The following PCCA variants were observed in gnomAD, a reference collection of about 807,000 sequenced individuals.
PCCA encodes the protein propionyl-CoA carboxylase alpha chain, mitochondrial.
Under a neutral mutation model 101.3 loss-of-function variants are expected in PCCA, and 74 were observed. The ratio of observed to expected loss-of-function variants is 0.73; its 90% CI spans 0.61 to 0.89. The LOEUF is 0.89. Among genes scored for constraint, PCCA ranks in the 40% least tolerant of loss-of-function variants. PCCA has a pLI of 0.00. For missense variants in PCCA, 891 were observed against 907.0 expected (o/e 0.98, Z 0.23); for synonymous variants, 294 against 313.6 (o/e 0.94, Z 0.66).
Position 100,382,403 on chromosome 13 carries a change from T to C in PCCA, c.1746+13829T>C, listed in dbSNP as rs377652859. On this transcript the variant is annotated intron_variant, in intron 19 of 23. Coordinates refer to ENST00000376285, the MANE Select transcript of PCCA (RefSeq NM_000282.4). ...GGGTCTTTATAGGCACAGGATGAGG[T>C]GGGGTGGGGCCATGGGTAGTTTAGG... Among the ~76,000 whole-genome samples the C allele has an allele frequency of 1.1e-3, 166 of 152,132 alleles. 6 individuals are homozygous for C. In the South Asian group the frequency reaches 0.031, roughly 29 times the overall value.
At chr13:100,507,061 A>G (rs1395002679) in intron 21 of PCCA, among the ~76,000 whole-genome samples, 1 of 152,178 alleles carries the variant, frequency 6.6e-6, no homozygotes, top group African/African-American at 2.4e-5. Flanking sequence ...AGGTGTTGGT[A>G]TTGTTATATA....
intron 8 of PCCA, among the ~76,000 whole-genome samples, chr13:100,244,964 T>TGTGCGC (rs1375489263): frequency 7.4e-4 from 105 of 142,418 alleles, no homozygotes; most frequent in African/African-American, 2.5e-3. Flanking sequence ...TGTGTGTGTG[T>TGTGCGC]GCGCAGTAGT....
At chr13:100,273,874 A>G (rs2063470791) in intron 12 of PCCA, among the ~76,000 whole-genome samples, 1 of 152,178 alleles carries the variant, frequency 6.6e-6, no homozygotes, top group South Asian at 2.1e-4. Context: ...AGTTCTAACC[A>G]AATCTCAGGA....
chr13:100,180,461 A>G (rs931765074), intron 6 of PCCA, among the ~76,000 whole-genome samples: 2 of 152,172 alleles, frequency 1.3e-5, no homozygotes, highest in South Asian at 4.1e-4. Context: ...CTCTTCCCAC[A>G]ATGGTTTATT....
chr13:100,223,956 C>T (rs1249953597), intron 7 of PCCA, among the ~76,000 whole-genome samples: 1 of 152,260 alleles, frequency 6.6e-6, no homozygotes, highest in African/African-American at 2.4e-5. Context: ...TCTCCATGTC[C>T]TCACCAGACT....
At chr13:100,412,099 A>G (rs1001674371) in intron 19 of PCCA, among the ~76,000 whole-genome samples, 4 of 152,210 alleles carry the variant, frequency 2.6e-5, no homozygotes, top group Non-Finnish European at 5.9e-5. Flanking sequence ...ATTAGTTGGT[A>G]ATATTGGGTT....
intron 4 of PCCA, among the ~76,000 whole-genome samples, chr13:100,119,079 G>A (rs917060937): frequency 2.6e-5 from 4 of 151,988 alleles, no homozygotes; most frequent in African/African-American, 9.7e-5. Context: ...AATGAAAATT[G>A]CCTGAGCCTG....
intron 13 of PCCA, 98 bp downstream of exon 13, chr13:100,301,701 G>A: frequency 7.5e-7 from 1 of 1,338,174 alleles, no homozygotes; most frequent in Non-Finnish European, 1.1e-6. Context: ...GTTTTATAAT[G>A]TTGCCAACTA....
intron 18 of PCCA, among the ~76,000 whole-genome samples, chr13:100,347,377 T>C (rs2072436039): frequency 6.6e-6 from 1 of 152,244 alleles, no homozygotes; most frequent in Non-Finnish European, 1.5e-5. Flanking sequence ...TATACTAAAA[T>C]GCATTCTGAA....
chr13:100,460,500 A>ACAC (rs2082097291), intron 21 of PCCA, among the ~76,000 whole-genome samples: 1 of 152,206 alleles, frequency 6.6e-6, no homozygotes, highest in Non-Finnish European at 1.5e-5. Flanking sequence ...GACTCTTGAG[A>ACAC]AACGATCAAA....
intron 4 of PCCA, chr13:100,150,546 T>C (rs2053180363): frequency 1.6e-6 from 2 of 1,283,594 alleles, no homozygotes; most frequent in Non-Finnish European, 2.2e-6. Flanking sequence ...GAACCACCAA[T>C]AGTGTGGTGG....
At chr13:100,247,321 G>A (rs905152134) in intron 8 of PCCA, among the ~76,000 whole-genome samples, 17 of 146,162 alleles carry the variant, frequency 1.2e-4, no homozygotes, top group East Asian at 4.1e-4. Context: ...GGTTCACACC[G>A]TTCTCTTGCC....
intron 4 of PCCA, among the ~76,000 whole-genome samples, chr13:100,145,204 CT>C (rs1021346289): frequency 6.6e-5 from 10 of 152,300 alleles, no homozygotes; most frequent in African/African-American, 2.4e-4. Context: ...CCTAAAATAT[CT>C]TTATAGTTAC....
chr13:100,412,651 C>T (rs1049371605), intron 19 of PCCA, among the ~76,000 whole-genome samples: 2 of 152,108 alleles, frequency 1.3e-5, no homozygotes, highest in Non-Finnish European at 2.9e-5. Flanking sequence ...TTATGATCAA[C>T]CTAATGGATA....
intron 19 of PCCA, among the ~76,000 whole-genome samples, chr13:100,397,023 G>A (rs1361408457): frequency 6.6e-6 from 1 of 152,102 alleles, no homozygotes; most frequent in Admixed American, 6.5e-5. Context: ...CCTGTGGGAG[G>A]TTTGATCCTT....
chr13:100,355,163 C>A (rs2073840581), intron 18 of PCCA, among the ~76,000 whole-genome samples: 1 of 151,908 alleles, frequency 6.6e-6, no homozygotes, highest in Non-Finnish European at 1.5e-5. Context: ...ATACAAAAGT[C>A]AATCGATGTG....
At chr13:100,143,342 C>T (rs2052115883) in intron 4 of PCCA, among the ~76,000 whole-genome samples, 1 of 151,752 alleles carries the variant, frequency 6.6e-6, no homozygotes, top group Non-Finnish European at 1.5e-5. Flanking sequence ...ACTAGCCTGA[C>T]CAACATGGTG....
At chr13:100,473,593 C>G (rs2083189071) in intron 21 of PCCA, among the ~76,000 whole-genome samples, 2 of 152,324 alleles carry the variant, frequency 1.3e-5, no homozygotes, top group East Asian at 3.9e-4. Context: ...AATCTCATCT[C>G]TAGTCCCAGT....
intron 20 of PCCA, among the ~76,000 whole-genome samples, chr13:100,427,975 TTA>T (rs2079272013): frequency 6.6e-6 from 1 of 152,184 alleles, no homozygotes; most frequent in South Asian, 2.1e-4. Context: ...TAGGTGCTAT[TTA>T]TAGTTTTATA....
Sources: gnomAD v4.1 joint callset for allele counts (sites outside exome capture counted in the v4.1 genomes callset) on GRCh38, gnomAD v4.1.1 for gene constraint, MANE v1.5 for transcripts, NCBI Gene and HGNC (gene_info 2026-07-23, HGNC 2026-07-21) for gene names.